ADAMTS9: variants seen among roughly 807,000 people sequenced by gnomAD.
The protein encoded by ADAMTS9 is A disintegrin and metalloproteinase with thrombospondin motifs 9.
A neutral mutation model predicts 257.1 loss-of-function variants in ADAMTS9; 107 were observed. That is an observed-to-expected ratio of 0.42 (90% CI 0.36 to 0.49). ADAMTS9 has a LOEUF of 0.49. ADAMTS9 is among the 20% of genes least tolerant of loss of function. The probability of loss-of-function intolerance (pLI) is 0.03; values close to 1 mark genes in which losing one functional copy is unlikely to be tolerated. For synonymous variants in ADAMTS9, 982 were observed against 880.9 expected, an observed-to-expected ratio of 1.11 and a Z score of -2.03; for missense variants, 2,353 against 2,469.1, an observed-to-expected ratio of 0.95 and a Z score of 1.00.
At chr3:64,649,123 T>G (rs991958230) in intron 10 of ADAMTS9, among the ~76,000 whole-genome samples, 1 of 151,992 alleles carries the variant, frequency 6.6e-6, no homozygotes, top group Non-Finnish European at 1.5e-5. Context: ...AGCAAAACTA[T>G]CACACAGCCA....
chr3:64,550,387 T>C (rs1393687274), intron 31 of ADAMTS9: 2 of 152,416 alleles, frequency 1.3e-5, no homozygotes, highest in African/African-American at 4.8e-5. Context: ...AAATCTCACA[T>C]ACTAGTCCAG....
At chr3:64,645,529 G>C (rs1416097031) in intron 11 of ADAMTS9, among the ~76,000 whole-genome samples, 1 of 152,134 alleles carries the variant, frequency 6.6e-6, no homozygotes, top group African/African-American at 2.4e-5. Flanking sequence ...AGCATATAGA[G>C]AAAAGGCACA....
chr3:64,570,906 G>A (rs1264602121), intron 28 of ADAMTS9, among the ~76,000 whole-genome samples: 1 of 151,988 alleles, frequency 6.6e-6, no homozygotes, highest in Non-Finnish European at 1.5e-5. Context: ...TCTAGGAAAT[G>A]AGTTGAACTT....
intron 38 of ADAMTS9, among the ~76,000 whole-genome samples, chr3:64,526,301 C>A (rs2082909318): frequency 1.3e-5 from 2 of 151,826 alleles, no homozygotes; most frequent in Admixed American, 6.6e-5. Flanking sequence ...AAAATATGCA[C>A]AACTATGATA....
chr3:64,635,820 C>A (rs1381235265), intron 12 of ADAMTS9, among the ~76,000 whole-genome samples: 1 of 152,056 alleles, frequency 6.6e-6, no homozygotes, highest in Non-Finnish European at 1.5e-5. Context: ...GATCCAAGCC[C>A]TTTTCTCAGT....
At chr3:64,583,646 C>T (rs1022150955) in intron 28 of ADAMTS9, 1 of 152,188 alleles carries the variant, frequency 6.6e-6, no homozygotes, top group Admixed American at 6.5e-5. Flanking sequence ...CAGACATTGC[C>T]AAATGTCCAC....
At chr3:64,625,148 C>A (rs73122262) in intron 16 of ADAMTS9, among the ~76,000 whole-genome samples, 2 of 152,134 alleles carry the variant, frequency 1.3e-5, no homozygotes, top group Non-Finnish European at 2.9e-5. Context: ...TAATTTTCAT[C>A]CCCGGTGCCA....
chr3:64,626,002 C>T lies in ADAMTS9; in HGVS notation c.2390-3416G>A, dbSNP rs147695911. On this transcript the variant is annotated intron_variant, in intron 16 of 39. Coordinates refer to ENST00000498707, the MANE Select transcript of ADAMTS9 (RefSeq NM_182920.2). Reference sequence around the variant, plus strand: ...AGTGTGTAGCGTCTGAAGTCTGACCCATAAGGATACCAATCTTTCCCATTT... The same window carrying T: ...AGTGTGTAGCGTCTGAAGTCTGACCTATAAGGATACCAATCTTTCCCATTT... Among the ~76,000 whole-genome samples, 424 of 152,270 alleles carry T rather than the reference C, an allele frequency of 2.8e-3. 2 individuals are homozygous for T. The highest frequency in any genetic ancestry group is 9.7e-3 in the African/African-American group (404 of 41,548).
In ADAMTS9 at chr3:64,594,411, G is replaced by A. The variant is rs2084323163; in HGVS notation, c.4203C>T (p.Gly1401=). The A allele has an allele frequency of 6.2e-7, 1 of 1,614,014 alleles. No homozygotes were observed. The highest frequency in any genetic ancestry group is 8.5e-7 in the Non-Finnish European group (1 of 1,179,936). The change falls in exon 28 of 40, where the codon GGC becomes GGT. Residue 1401 remains glycine, a synonymous_variant. Transcript: ENST00000498707. ...GACAGACCACCAGTCTTGTTCTTAT[G>A]CCTCCACCACACAGCTTAGTGCACT... ...WGECTKLCGG[G]IRTRLVVCQR...
At position 64,632,854 on chromosome 3, in the gene ADAMTS9, A is replaced by G. The variant is rs371620277; in HGVS notation, c.2175+618T>C. 2.5e-4 allele frequency among the ~76,000 whole-genome samples: 38 copies of G among 152,202 alleles called. No individual in the cohort carries two copies. The East Asian group carries it at 4.3e-3, about 17-fold the overall frequency. On this transcript the variant is annotated intron_variant, in intron 14 of 39. Coordinates refer to ENST00000498707, the MANE Select transcript of ADAMTS9 (RefSeq NM_182920.2). ...AAAAAAAAAAAAACAAACAAAAAAA[A>G]CAACCAGAGGCATCATCTCAGAGCC...
intron 36 of ADAMTS9, 52 bp downstream of exon 36, chr3:64,541,043 C>A: frequency 6.2e-7 from 1 of 1,606,952 alleles, no homozygotes; most frequent in Admixed American, 1.7e-5. Context: ...TGCTTGCTGT[C>A]TGAATGGAGA....
At position 64,539,253 on chromosome 3, in the gene ADAMTS9, CG is replaced by C; in HGVS notation, c.5562del (p.Val1855SerfsTer31). On this transcript the variant is annotated frameshift_variant, in exon 37 of 40. Transcript: ENST00000498707. LOFTEE classifies it high-confidence loss of function. ...CAATCCCCGGCTGTGGCAAAAGGGA[CG>C]GGATGTCCTTCGCTTGTCCTTGCAA... ...LQFARTSEGH[P>X]VPFATAGDCY... The C allele has an allele frequency of 6.2e-7, 1 of 1,614,018 alleles. No individual in the cohort carries two copies. The highest frequency in any genetic ancestry group is 8.5e-7 in the Non-Finnish European group (1 of 1,179,946).
At chr3:64,621,940 A>G (rs58847255) in intron 18 of ADAMTS9, among the ~76,000 whole-genome samples, 3,441 of 152,170 alleles carry the variant, frequency 0.023, 117 homozygotes, top group African/African-American at 0.072. Flanking sequence ...GAAAATTACA[A>G]TGGCGGAGGT....
At chr3:64,517,416 G>GTTTTTTTTTTTGTTTTTTTTTTTTTTT (rs2082789722) in intron 39 of ADAMTS9, among the ~76,000 whole-genome samples, 2 of 52,638 alleles carry the variant, frequency 3.8e-5, no homozygotes, top group African/African-American at 1.1e-4. Flanking sequence ...ATTAAAAATG[G>GTTTTTTTTTTTGTTTTTTTTTTTTTTT]TTTTTTTTTT....
At chr3:64,662,258 T>G (rs548411086) in intron 3 of ADAMTS9, among the ~76,000 whole-genome samples, 1 of 152,298 alleles carries the variant, frequency 6.6e-6, no homozygotes, top group African/African-American at 2.4e-5. Context: ...TGTTACATTG[T>G]GATCAGCAAA....
intron 3 of ADAMTS9, among the ~76,000 whole-genome samples, chr3:64,669,003 G>A (rs9820318): frequency 0.032 from 4,828 of 152,240 alleles, 141 homozygotes; most frequent in East Asian, 0.12. Flanking sequence ...GCATCACAAT[G>A]TCCATGTTCC....
At chr3:64,661,634 G>A (rs1029789206) in intron 3 of ADAMTS9, among the ~76,000 whole-genome samples, 1 of 152,264 alleles carries the variant, frequency 6.6e-6, no homozygotes, top group East Asian at 1.9e-4. Context: ...TTTGAAATGA[G>A]CTCATGATTT....
intron 16 of ADAMTS9, among the ~76,000 whole-genome samples, chr3:64,627,421 G>A (rs946306754): frequency 2.6e-5 from 4 of 151,976 alleles, no homozygotes; most frequent in Non-Finnish European, 4.4e-5. Context: ...GCACTGCATC[G>A]ATTCCCATCT....
At position 64,603,775 on chromosome 3, in the gene ADAMTS9, T is replaced by C. The variant is rs994955000; in HGVS notation, c.3747+147A>G. 15 of 946,416 alleles carry C rather than the reference T, an allele frequency of 1.6e-5. No individual in the cohort carries two copies. The African/African-American group carries it at 2.3e-4, about 15-fold the overall frequency. The allele number at this position is 946,416 out of a possible 1,614,324, so 58.6% of individuals were successfully genotyped here. On this transcript the variant is annotated intron_variant, in intron 25 of 39. Coordinates refer to ENST00000498707, the MANE Select transcript of ADAMTS9 (RefSeq NM_182920.2). The stretch of plus-strand genomic sequence containing the variant: ...GCACACTTGGCCAACTACACATAAG[T>C]GGAGCAGCACAATTTAAATCATAAG...
Sources: allele counts gnomAD v4.1 joint callset (sites outside exome capture counted in the v4.1 genomes callset), GRCh38; gene constraint gnomAD v4.1.1; transcripts MANE v1.5; gene names NCBI Gene and HGNC (gene_info 2026-07-23, HGNC 2026-07-21).